Variants in SH3BGRL observed in about 807,000 individuals in gnomAD.
The protein encoded by SH3BGRL is adapter SH3BGRL.
In SH3BGRL, 7 loss-of-function variants were observed where a neutral mutation model predicts 9.8. That is an observed-to-expected ratio of 0.72 (90% confidence interval 0.41 to 1.35). SH3BGRL has a LOEUF of 1.35. SH3BGRL is among the 40% of genes most tolerant of loss of function. The pLI, the probability that SH3BGRL is intolerant of heterozygous loss-of-function variation, is 0.01. For synonymous variants in SH3BGRL, 36 were observed against 29.1 expected, an observed-to-expected ratio of 1.24 and a Z score of -0.76; for missense variants, 73 against 84.4, an observed-to-expected ratio of 0.86 and a Z score of 0.53.
chrX:81,217,689 G>T (rs764440257), intron 1 of SH3BGRL, among the ~76,000 whole-genome samples: 1 of 111,373 alleles, frequency 9.0e-6, no homozygotes, highest in South Asian at 3.7e-4. Context: ...CTATCTTGGA[G>T]AATGTTCTAT....
At chrX:81,232,334 T>A (rs1357791956) in intron 1 of SH3BGRL, among the ~76,000 whole-genome samples, 2 of 109,863 alleles carry the variant, frequency 1.8e-5, no homozygotes, top group African/African-American at 6.6e-5. Flanking sequence ...CAAGATGAAG[T>A]TCTCAATGTA....
chrX:81,223,412 G>A (rs970818646), intron 1 of SH3BGRL, among the ~76,000 whole-genome samples: 5 of 111,410 alleles, frequency 4.5e-5, no homozygotes, highest in African/African-American at 1.3e-4. Flanking sequence ...TACATGGAGA[G>A]CCAGTAGTTA....
chrX:81,261,464 T>C (rs1201280894), intron 1 of SH3BGRL, among the ~76,000 whole-genome samples: 1 of 111,100 alleles, frequency 9.0e-6, no homozygotes, highest in Non-Finnish European at 1.9e-5. Context: ...CTCCTGAATT[T>C]GGAAATAATT....
chrX:81,232,228 C>T (rs1227610404), intron 1 of SH3BGRL, among the ~76,000 whole-genome samples: 2 of 111,252 alleles, frequency 1.8e-5, no homozygotes, highest in African/African-American at 6.5e-5. Flanking sequence ...CTATGCATAG[C>T]ATCTAATGCA....
At chrX:81,292,965 T>C (rs938755813) in intron 3 of SH3BGRL, among the ~76,000 whole-genome samples, 1 of 111,941 alleles carries the variant, frequency 8.9e-6, no homozygotes, top group African/African-American at 3.2e-5. Flanking sequence ...TTTAAGAAAG[T>C]TTATGACTTT....
chrX:81,233,306 A>G (rs1486504107), intron 1 of SH3BGRL, among the ~76,000 whole-genome samples: 1 of 112,213 alleles, frequency 8.9e-6, no homozygotes, highest in Non-Finnish European at 1.9e-5. Context: ...AGTGCTTTGC[A>G]TACGTAGAGC....
chrX:81,280,883 A>G (rs1390217168), intron 3 of SH3BGRL, among the ~76,000 whole-genome samples: 2 of 111,820 alleles, frequency 1.8e-5, no homozygotes, highest in Non-Finnish European at 3.8e-5. Flanking sequence ...GGGAGGGAAC[A>G]GAGAAAGGCA....
intron 1 of SH3BGRL, among the ~76,000 whole-genome samples, chrX:81,207,443 A>G (rs1167961465): frequency 8.9e-6 from 1 of 112,429 alleles, no homozygotes; most frequent in Admixed American, 9.4e-5. Flanking sequence ...GGATTGTGTA[A>G]TTAGTCACTA....
intron 1 of SH3BGRL, among the ~76,000 whole-genome samples, chrX:81,227,525 G>A (rs1346453608): frequency 2.7e-5 from 3 of 111,232 alleles, no homozygotes. Context: ...TGTACTGTTG[G>A]GACTGTTGAC....
At chrX:81,290,248 A>G (rs1379483523) in intron 3 of SH3BGRL, among the ~76,000 whole-genome samples, 1 of 112,174 alleles carries the variant, frequency 8.9e-6, no homozygotes, top group Non-Finnish European at 1.9e-5. Flanking sequence ...AAAAAAGCAA[A>G]TCAGTATATC....
chrX:81,292,422 G>T (rs2075861049), intron 3 of SH3BGRL, among the ~76,000 whole-genome samples: 1 of 110,823 alleles, frequency 9.0e-6, no homozygotes, highest in Non-Finnish European at 1.9e-5. Flanking sequence ...GCCATATCCT[G>T]AGGCTGCACA....
intron 1 of SH3BGRL, among the ~76,000 whole-genome samples, chrX:81,258,022 C>T (rs1018861396): frequency 2.7e-5 from 3 of 111,603 alleles, no homozygotes; most frequent in African/African-American, 6.5e-5. Context: ...GTACTCATGC[C>T]TGCTGTCTCA....
At chrX:81,280,941 G>GA (rs1357786421) in intron 3 of SH3BGRL, among the ~76,000 whole-genome samples, 4 of 110,895 alleles carry the variant, frequency 3.6e-5, no homozygotes, top group Non-Finnish European at 7.6e-5. Context: ...AGTAAAGGGA[G>GA]AAATATTCAA....
chrX:81,288,946 A>C (rs1490872886), intron 3 of SH3BGRL, among the ~76,000 whole-genome samples: 7 of 112,273 alleles, frequency 6.2e-5, no homozygotes, highest in Non-Finnish European at 1.3e-4. Context: ...ATGGGTAACC[A>C]CAAAAGACCC....
intron 1 of SH3BGRL, among the ~76,000 whole-genome samples, chrX:81,261,524 C>T (rs1289874353): frequency 9.0e-6 from 1 of 110,937 alleles, no homozygotes; most frequent in African/African-American, 3.3e-5. Flanking sequence ...TGGAGGAGCC[C>T]ATAACATATG....
At chrX:81,229,755 G>C (rs1199194162) in intron 1 of SH3BGRL, among the ~76,000 whole-genome samples, 2 of 111,869 alleles carry the variant, frequency 1.8e-5, no homozygotes, top group East Asian at 5.7e-4. Flanking sequence ...CCAGGCGCTT[G>C]TATGCGTGCC....
chrX:81,213,563 G>T (rs1263587378), intron 1 of SH3BGRL, among the ~76,000 whole-genome samples: 2 of 110,650 alleles, frequency 1.8e-5, no homozygotes, highest in Non-Finnish European at 3.8e-5. Context: ...TGTTCCTAAT[G>T]AACAGATTTT....
intron 1 of SH3BGRL, among the ~76,000 whole-genome samples, chrX:81,229,276 C>T (rs2075625881): frequency 1.8e-5 from 2 of 111,084 alleles, no homozygotes; most frequent in African/African-American, 6.6e-5. Flanking sequence ...GACCCCACAA[C>T]AGTGTCTTGG....
rs751384259 is a variant in SH3BGRL at position 81,297,181 on chromosome X, G to A, written c.313-14G>A. 18 of 1,203,295 alleles carry A rather than the reference G, an allele frequency of 1.5e-5. No individual in the cohort carries two copies. The highest frequency in any genetic ancestry group is 2.0e-5 in the Non-Finnish European group (18 of 890,022). On this transcript the variant is annotated splice_polypyrimidine_tract_variant and intron_variant, in intron 3 of 3. Transcript: ENST00000373212. ...ATGTTTAAACTTATCTGTTTTGTTT[G>A]TTTTTCATTTCAGGAAGCAGAAGTG...
Sources: allele counts gnomAD v4.1 joint callset (sites outside exome capture counted in the v4.1 genomes callset), GRCh38; gene constraint gnomAD v4.1.1; transcripts MANE v1.5; gene names NCBI Gene and HGNC (gene_info 2026-07-23, HGNC 2026-07-21).